The following DLG2 variants were observed in gnomAD, a reference collection of about 807,000 sequenced individuals.
The protein encoded by DLG2 is disks large homolog 2.
DLG2 carries 45 observed loss-of-function variants against 132.5 expected under a neutral mutation model. The observed-to-expected ratio is 0.34, with a 90% confidence interval of 0.27 to 0.44. The LOEUF (loss-of-function observed/expected upper bound fraction) is 0.44, where lower values mean the gene tolerates loss of function less well. Among genes scored for constraint, DLG2 ranks in the 20% least tolerant of loss-of-function variants. The probability of loss-of-function intolerance (pLI) is 1.00; values close to 1 mark genes in which losing one functional copy is unlikely to be tolerated. For synonymous variants in DLG2, 424 were observed against 419.6 expected, an observed-to-expected ratio of 1.01 and a Z score of -0.13; for missense variants, 1,045 against 1,196.9, an observed-to-expected ratio of 0.87 and a Z score of 1.87.
chr11:85,467,119 A>G (rs1227717140), intron 3 of DLG2, among the ~76,000 whole-genome samples: 1 of 152,044 alleles, frequency 6.6e-6, no homozygotes, highest in Non-Finnish European at 1.5e-5. Context: ...TTTGTCTGTT[A>G]TGGGTGTATA....
In DLG2 at chr11:83,937,946, G is replaced by A. The variant is rs989163978; in HGVS notation, c.1341-7463C>T. Among the ~76,000 whole-genome samples, 7 of 152,010 alleles carry A rather than the reference G, an allele frequency of 4.6e-5. No homozygotes were observed. In the East Asian group the frequency reaches 1.3e-3, roughly 29 times the overall value. ...GTTTTAGAAGTAATCCTGTCTTTTG[G>A]TTCAGCAATTCTACTCTAGTGTGCT... On this transcript the variant is annotated intron_variant, in intron 14 of 27. Coordinates refer to ENST00000376104, the MANE Select transcript of DLG2 (RefSeq NM_001142699.3).
chr11:83,784,706 T>C (rs1420865910), intron 18 of DLG2, among the ~76,000 whole-genome samples: 1 of 152,240 alleles, frequency 6.6e-6, no homozygotes, highest in African/African-American at 2.4e-5. Flanking sequence ...TCTACATTGA[T>C]AGAACAGGGA....
chr11:84,048,952 A>G lies in DLG2; in HGVS notation c.919+10363T>C, dbSNP rs187502963. Reference sequence around the variant, plus strand: ...CTAAGTGTTAAGAACAGTGCATTTAATTTTCAATTAAAATTTTAATTCATT... The same window carrying G: ...CTAAGTGTTAAGAACAGTGCATTTAGTTTTCAATTAAAATTTTAATTCATT... On this transcript the variant is annotated intron_variant, in intron 11 of 27. Coordinates refer to ENST00000376104, the MANE Select transcript of DLG2 (RefSeq NM_001142699.3). Among the ~76,000 whole-genome samples, 3 of 151,864 alleles carry G rather than the reference A, an allele frequency of 2.0e-5. No individual in the cohort carries two copies. In the East Asian group the frequency reaches 5.8e-4, roughly 30 times the overall value.
chr11:84,017,931 T>C (rs1253862182), intron 11 of DLG2, among the ~76,000 whole-genome samples: 1 of 152,028 alleles, frequency 6.6e-6, no homozygotes, highest in African/African-American at 2.4e-5. Context: ...ATAATTCTTA[T>C]CTGGTTCTCT....
At chr11:84,943,484 T>C (rs1257400786) in intron 6 of DLG2, among the ~76,000 whole-genome samples, 6 of 152,076 alleles carry the variant, frequency 3.9e-5, no homozygotes, top group Non-Finnish European at 8.8e-5. Flanking sequence ...TTCTTTTATA[T>C]TTTGTGTATC....
chr11:83,618,827 G>A (rs2061224954), intron 19 of DLG2, among the ~76,000 whole-genome samples: 2 of 152,142 alleles, frequency 1.3e-5, no homozygotes, highest in South Asian at 4.1e-4. Flanking sequence ...TACTACAAGA[G>A]ACTCCATCAT....
intron 6 of DLG2, among the ~76,000 whole-genome samples, chr11:85,101,682 A>G (rs1258767930): frequency 6.6e-6 from 1 of 152,076 alleles, no homozygotes; most frequent in Non-Finnish European, 1.5e-5. Flanking sequence ...ACCATATTCT[A>G]TTAGTAGCTT....
At chr11:85,263,454 T>C (rs548905841) in intron 4 of DLG2, among the ~76,000 whole-genome samples, 1 of 152,244 alleles carries the variant, frequency 6.6e-6, no homozygotes, top group East Asian at 1.9e-4. Flanking sequence ...CACATAGGGA[T>C]TGAGGACTTT....
At chr11:84,978,056 G>A (rs2055177663) in intron 6 of DLG2, among the ~76,000 whole-genome samples, 1 of 152,098 alleles carries the variant, frequency 6.6e-6, no homozygotes, top group African/African-American at 2.4e-5. Context: ...ATATTTAGAT[G>A]TCTAAATGTC....
At chr11:84,227,795 A>T (rs7930206) in intron 8 of DLG2, among the ~76,000 whole-genome samples, 132,065 of 151,844 alleles carry the variant, frequency 0.87, 57,828 homozygotes, top group East Asian at 1. Flanking sequence ...ACGCCTGTAC[A>T]CCCAGCTGCT....
chr11:85,461,326 A>T (rs2153057321), intron 3 of DLG2, among the ~76,000 whole-genome samples: 1 of 152,378 alleles, frequency 6.6e-6, no homozygotes, highest in South Asian at 2.1e-4. Context: ...GAGAGAAAAG[A>T]ATACAGTTGA....
At chr11:84,137,885 G>A (rs949827941) in intron 9 of DLG2, among the ~76,000 whole-genome samples, 4 of 152,032 alleles carry the variant, frequency 2.6e-5, no homozygotes, top group African/African-American at 7.2e-5. Flanking sequence ...CTTCCCTACT[G>A]ATCACAAATG....
At chr11:84,618,967 A>G (rs539798408) in intron 6 of DLG2, among the ~76,000 whole-genome samples, 1 of 152,084 alleles carries the variant, frequency 6.6e-6, no homozygotes, top group South Asian at 2.1e-4. Context: ...TCTTTGACTC[A>G]TTGATAGATG....
At chr11:83,818,056 T>C (rs146651756) in intron 17 of DLG2, among the ~76,000 whole-genome samples, 4,300 of 152,262 alleles carry the variant, frequency 0.028, 86 homozygotes, top group Middle Eastern at 0.082. Flanking sequence ...AGATCCTGAG[T>C]CTCCGTCTTT....
chr11:83,711,737 T>A (rs1218258590), intron 18 of DLG2, among the ~76,000 whole-genome samples: 1 of 152,148 alleles, frequency 6.6e-6, no homozygotes, highest in African/African-American at 2.4e-5. Context: ...TGCCTGTCTT[T>A]TTATTAGGGT....
chr11:84,726,190 C>T (rs1049597856), intron 6 of DLG2, among the ~76,000 whole-genome samples: 47 of 152,020 alleles, frequency 3.1e-4, no homozygotes, highest in Admixed American at 8.5e-4. Context: ...TAGGTATACA[C>T]GTGGCATGGT....
At chr11:84,733,919 G>C (rs955833945) in intron 6 of DLG2, among the ~76,000 whole-genome samples, 5 of 151,978 alleles carry the variant, frequency 3.3e-5, no homozygotes, top group African/African-American at 9.7e-5. Flanking sequence ...TCTTGTTTTT[G>C]TCAGGTTTGT....
At chr11:85,266,550 T>C (rs2077223346) in intron 4 of DLG2, among the ~76,000 whole-genome samples, 1 of 152,038 alleles carries the variant, frequency 6.6e-6, no homozygotes, top group East Asian at 1.9e-4. Context: ...ATGGCACATG[T>C]ATACCTATAT....
intron 4 of DLG2, among the ~76,000 whole-genome samples, chr11:85,165,534 T>C (rs2078376672): frequency 6.6e-6 from 1 of 152,184 alleles, no homozygotes; most frequent in Non-Finnish European, 1.5e-5. Flanking sequence ...ATAAGGAAAG[T>C]ACTTTGAAAT....
Sources: gnomAD v4.1 joint callset for allele counts (sites outside exome capture counted in the v4.1 genomes callset) on GRCh38, gnomAD v4.1.1 for gene constraint, MANE v1.5 for transcripts, NCBI Gene and HGNC (gene_info 2026-07-23, HGNC 2026-07-21) for gene names.